ABCB5: variants seen among roughly 807,000 people sequenced by gnomAD.
The protein encoded by ABCB5 is ATP-binding cassette sub-family B member 5.
Under a neutral mutation model 144.2 loss-of-function variants are expected in ABCB5, and 155 were observed. The observed-to-expected ratio is 1.08, with a 90% CI of 0.94 to 1.23. The LOEUF (loss-of-function observed/expected upper bound fraction) is 1.23, where lower values mean the gene tolerates loss of function less well. Ranked by LOEUF, ABCB5 falls within the 50% of genes most tolerant of loss-of-function variation. The pLI, the probability that ABCB5 is intolerant of heterozygous loss-of-function variation, is 0.00. For synonymous variants in ABCB5, 610 were observed against 528.6 expected, an observed-to-expected ratio of 1.15 and a Z score of -2.11; for missense variants, 1,830 against 1,520.8, an observed-to-expected ratio of 1.20 and a Z score of -3.38.
At chr7:20,651,185 A>G (rs1048176932) in intron 12 of ABCB5, among the ~76,000 whole-genome samples, 2 of 152,232 alleles carry the variant, frequency 1.3e-5, no homozygotes, top group Non-Finnish European at 2.9e-5. Flanking sequence ...AATAAAGATA[A>G]TCAGATGATC....
chr7:20,628,631 G>GTA, intron 3 of ABCB5, 57 bp from the exon 4 acceptor site: 1 of 1,557,588 alleles, frequency 6.4e-7, no homozygotes, highest in Non-Finnish European at 8.7e-7. Context: ...GTGTGTGTGT[G>GTA]CTTGGTGTGT....
intron 5 of ABCB5, among the ~76,000 whole-genome samples, chr7:20,632,601 G>C (rs548569066): frequency 4.8e-4 from 73 of 152,044 alleles, no homozygotes; most frequent in African/African-American, 1.7e-3. Flanking sequence ...GCAAAGACTT[G>C]GAACCAACCC....
intron 20 of ABCB5, among the ~76,000 whole-genome samples, chr7:20,715,943 C>T (rs1290194391): frequency 1.3e-5 from 2 of 151,970 alleles, no homozygotes; most frequent in Non-Finnish European, 2.9e-5. Context: ...TGGTATCGAA[C>T]TCCTGACCTC....
chr7:20,688,971 G>A (rs560382022), intron 16 of ABCB5, among the ~76,000 whole-genome samples: 2 of 151,758 alleles, frequency 1.3e-5, no homozygotes, highest in South Asian at 4.1e-4. Flanking sequence ...CTGTGGTGGG[G>A]TGGGGAGAGG....
At chr7:20,656,937 T>C (rs1254684708) in intron 13 of ABCB5, among the ~76,000 whole-genome samples, 7 of 143,942 alleles carry the variant, frequency 4.9e-5, no homozygotes, top group Non-Finnish European at 1.1e-4. Flanking sequence ...TTTTTTGATA[T>C]GGGGTCTCAC....
At chr7:20,720,040 A>G (rs1678748451) in intron 20 of ABCB5, among the ~76,000 whole-genome samples, 1 of 152,210 alleles carries the variant, frequency 6.6e-6, no homozygotes, top group South Asian at 2.1e-4. Flanking sequence ...TGACTGCTAA[A>G]TAAAATTCTC....
At chr7:20,675,069 C>T (rs958634414) in intron 14 of ABCB5, among the ~76,000 whole-genome samples, 2 of 151,908 alleles carry the variant, frequency 1.3e-5, no homozygotes, top group South Asian at 2.1e-4. Context: ...GTCAATACTA[C>T]CCAAAGCAAT....
chr7:20,626,487 C>G (rs991442570), intron 2 of ABCB5, 70 bp from the exon 3 acceptor site: 1 of 1,408,816 alleles, frequency 7.1e-7, no homozygotes, highest in African/African-American at 1.4e-5. Context: ...CTTCTGCAAA[C>G]TATTAATGGA....
chr7:20,623,382 A>G, intron 2 of ABCB5, 44 bp downstream of exon 2: 1 of 1,435,098 alleles, frequency 7.0e-7, no homozygotes, highest in Non-Finnish European at 9.6e-7. Flanking sequence ...CACAACTTCA[A>G]ATATAACTCA....
At chr7:20,689,979 G>A (rs928965203) in intron 16 of ABCB5, among the ~76,000 whole-genome samples, 5 of 152,106 alleles carry the variant, frequency 3.3e-5, no homozygotes, top group African/African-American at 1.2e-4. Flanking sequence ...CTGAGGGACC[G>A]GTTCATGCAG....
intron 24 of ABCB5, among the ~76,000 whole-genome samples, chr7:20,741,102 C>CAAA (rs752938155): frequency 1.1e-4 from 6 of 53,788 alleles, no homozygotes; most frequent in Non-Finnish European, 1.5e-4. Flanking sequence ...GACTCCTTCT[C>CAAA]AAAAAAAAAA....
At chr7:20,707,073 G>T (rs1438347861) in intron 20 of ABCB5, among the ~76,000 whole-genome samples, 1 of 152,088 alleles carries the variant, frequency 6.6e-6, no homozygotes, top group East Asian at 1.9e-4. Flanking sequence ...GCATAAAGAT[G>T]AGCTAGGAAA....
chr7:20,746,103 TTTC>T (rs533056451), intron 26 of ABCB5, among the ~76,000 whole-genome samples: 399 of 149,718 alleles, frequency 2.7e-3, no homozygotes, highest in African/African-American at 9.9e-3. Flanking sequence ...GCGCCTTAAC[TTTC>T]TTTTTTTTTT....
chr7:20,623,224 AG>A, intron 1 of ABCB5, 40 bp from the exon 2 acceptor site: 2 of 1,163,892 alleles, frequency 1.7e-6, no homozygotes, highest in Non-Finnish European at 2.5e-6. Flanking sequence ...AAGTGATAAA[AG>A]TCACATAGCC....
intron 1 of ABCB5, among the ~76,000 whole-genome samples, chr7:20,617,243 A>AT (rs1300883889): frequency 6.6e-6 from 1 of 152,114 alleles, no homozygotes; most frequent in African/African-American, 2.4e-5. Flanking sequence ...GAATGAGTAA[A>AT]TTTTTTTAAA....
chr7:20,635,653 T>C (rs752509970), intron 5 of ABCB5, among the ~76,000 whole-genome samples: 50 of 152,086 alleles, frequency 3.3e-4, no homozygotes, highest in Non-Finnish European at 6.6e-4. Context: ...CTTAGATATT[T>C]TTTGTAGCTA....
chr7:20,675,974 C>A (rs1285597632), intron 14 of ABCB5, among the ~76,000 whole-genome samples: 1 of 151,914 alleles, frequency 6.6e-6, no homozygotes. Flanking sequence ...AATGAGATAT[C>A]TCACACCTAT....
At chr7:20,734,078 A>AATAGATATGT (rs1438813951) in intron 23 of ABCB5, among the ~76,000 whole-genome samples, 4 of 152,168 alleles carry the variant, frequency 2.6e-5, no homozygotes, top group Admixed American at 2.6e-4. Flanking sequence ...GCAACATAGC[A>AATAGATATGT]CTATGCATAA....
chr7:20,675,860 A>G (rs1785584384), intron 14 of ABCB5, among the ~76,000 whole-genome samples: 1 of 152,214 alleles, frequency 6.6e-6, no homozygotes, highest in East Asian at 1.9e-4. Flanking sequence ...ATAGGCCAGG[A>G]AGTTGAAAAG....
Sources: allele counts gnomAD v4.1 joint callset (sites outside exome capture counted in the v4.1 genomes callset), GRCh38; gene constraint gnomAD v4.1.1; transcripts MANE v1.5; gene names NCBI Gene and HGNC (gene_info 2026-07-23, HGNC 2026-07-21).